KCNIP4: variants seen among roughly 807,000 people sequenced by gnomAD.
The protein encoded by KCNIP4 is Kv channel-interacting protein 4.
Under a neutral mutation model 34.0 loss-of-function variants are expected in KCNIP4, and 12 were observed. That is an observed-to-expected ratio of 0.35 (90% confidence interval 0.23 to 0.57). KCNIP4 has a LOEUF of 0.57. KCNIP4 is among the 20% of genes least tolerant of loss of function. The pLI, the probability that KCNIP4 is intolerant of heterozygous loss-of-function variation, is 0.83. For missense variants in KCNIP4, 238 were observed against 311.7 expected (o/e 0.76, Z 1.78); for synonymous variants, 124 against 102.2 (o/e 1.21, Z -1.29).
At chr4:21,771,454 A>G (rs1718780843) in intron 1 of KCNIP4, among the ~76,000 whole-genome samples, 2 of 152,016 alleles carry the variant, frequency 1.3e-5, no homozygotes, top group South Asian at 4.1e-4. Context: ...GAAATTGAAA[A>G]TATTTTTTTT....
At chr4:20,817,839 C>T (rs112991149) in intron 3 of KCNIP4, among the ~76,000 whole-genome samples, 2 of 152,158 alleles carry the variant, frequency 1.3e-5, no homozygotes, top group Admixed American at 6.5e-5. Context: ...ATTCTTTCTC[C>T]AACCAGTAAC....
At chr4:21,574,563 A>G in intron 1 of KCNIP4, among the ~76,000 whole-genome samples, 1 of 152,168 alleles carries the variant, frequency 6.6e-6, no homozygotes, top group Non-Finnish European at 1.5e-5. Context: ...GATAAATAAA[A>G]TAAAATTCTA....
intron 1 of KCNIP4, among the ~76,000 whole-genome samples, chr4:21,175,890 T>C (rs1473519885): frequency 1.3e-5 from 2 of 152,198 alleles, no homozygotes; most frequent in African/African-American, 2.4e-5. Flanking sequence ...GGGAGGACTA[T>C]GGTATACCTC....
At chr4:21,156,192 C>T (rs566976075) in intron 1 of KCNIP4, among the ~76,000 whole-genome samples, 7 of 152,288 alleles carry the variant, frequency 4.6e-5, no homozygotes, top group African/African-American at 1.7e-4. Flanking sequence ...TAGATGGCAG[C>T]TGTACACAGT....
At position 21,593,464 on chromosome 4, in the gene KCNIP4, C is replaced by T. The variant is rs141514465; in HGVS notation, c.61+355107G>A. ...CTTTCTCATCCTTAATTAGAATTCTCGGATTCTGAGGTTGCCGTCTGTACC... is the reference window on the plus strand; with the variant it reads ...CTTTCTCATCCTTAATTAGAATTCTTGGATTCTGAGGTTGCCGTCTGTACC... On this transcript the variant is annotated intron_variant, in intron 1 of 8. Coordinates refer to ENST00000382152, the MANE Select transcript of KCNIP4 (RefSeq NM_025221.6). Among the ~76,000 whole-genome samples, 532 of 152,160 alleles carry T rather than the reference C, an allele frequency of 3.5e-3. 2 individuals are homozygous for T. The highest frequency in any genetic ancestry group is 0.012 in the African/African-American group (515 of 41,512).
intron 3 of KCNIP4, among the ~76,000 whole-genome samples, chr4:20,798,911 C>A (rs1362746699): frequency 6.6e-6 from 1 of 152,184 alleles, no homozygotes; most frequent in African/African-American, 2.4e-5. Flanking sequence ...ACACTGTGCC[C>A]TGGCCTCACT....
intron 1 of KCNIP4, among the ~76,000 whole-genome samples, chr4:21,400,352 CT>C (rs66696209): frequency 0.18 from 26,776 of 151,754 alleles, 4,417 homozygotes; most frequent in African/African-American, 0.42. Context: ...AAGGCCAACT[CT>C]GAAAAAGGTG....
chr4:21,048,060 C>T (rs1742589711), intron 1 of KCNIP4, among the ~76,000 whole-genome samples: 2 of 152,320 alleles, frequency 1.3e-5, no homozygotes, highest in South Asian at 4.1e-4. Flanking sequence ...AAGCTGTCTA[C>T]AACTGTGCAC....
intron 1 of KCNIP4, among the ~76,000 whole-genome samples, chr4:21,342,943 A>G (rs900852798): frequency 2.6e-5 from 4 of 152,140 alleles, no homozygotes; most frequent in Non-Finnish European, 5.9e-5. Flanking sequence ...CCTAGGTAGT[A>G]TCATGTGTTT....
chr4:21,487,861 C>A (rs937053818), intron 1 of KCNIP4, among the ~76,000 whole-genome samples: 2 of 151,946 alleles, frequency 1.3e-5, no homozygotes, highest in African/African-American at 4.8e-5. Flanking sequence ...TTTTTTAACT[C>A]TTTATTTATT....
chr4:21,082,873 ATC>A (rs140567993), intron 1 of KCNIP4, among the ~76,000 whole-genome samples: 1 of 144,386 alleles, frequency 6.9e-6, no homozygotes, highest in Non-Finnish European at 1.5e-5. Flanking sequence ...TATTCTATCT[ATC>A]TATCTATCTA....
At chr4:21,862,592 T>G (rs2109352995) in intron 1 of KCNIP4, among the ~76,000 whole-genome samples, 1 of 152,222 alleles carries the variant, frequency 6.6e-6, no homozygotes, top group African/African-American at 2.4e-5. Context: ...GACATTTAAG[T>G]AAGGGAAGGG....
At chr4:21,850,839 A>G (rs1478334052) in intron 1 of KCNIP4, 1 of 151,994 alleles carries the variant, frequency 6.6e-6, no homozygotes, top group Non-Finnish European at 1.5e-5. Flanking sequence ...ATGCCTTTTA[A>G]CCCAAACACT....
At chr4:21,859,774 A>C (rs1450788213) in intron 1 of KCNIP4, among the ~76,000 whole-genome samples, 2 of 152,184 alleles carry the variant, frequency 1.3e-5, no homozygotes, top group Non-Finnish European at 2.9e-5. Context: ...CATGCCTGTA[A>C]TCCCAGCACT....
chr4:21,257,754 AAAAAAAAAAAAG>A (rs1761165233), intron 1 of KCNIP4, among the ~76,000 whole-genome samples: 1 of 104,442 alleles, frequency 9.6e-6, no homozygotes, highest in African/African-American at 7.5e-5. Flanking sequence ...AGTCTCAAAA[AAAAAAAAAAAAG>A]AAAGAAAGAA....
chr4:21,819,431 CTTG>C (rs1384848835), intron 1 of KCNIP4, among the ~76,000 whole-genome samples: 4 of 152,170 alleles, frequency 2.6e-5, no homozygotes, highest in African/African-American at 4.8e-5. Flanking sequence ...CTTCCAGTAC[CTTG>C]TTATTTTCCT....
In KCNIP4 at chr4:21,766,611, T is replaced by C. The variant is rs567797504; in HGVS notation, c.61+181960A>G. Reference sequence around the variant, plus strand: ...TAATTTCTCATAGTTTAAAAAGTTCTTATGAAAACAATTTCCTTTTCAGTC... The same window carrying C: ...TAATTTCTCATAGTTTAAAAAGTTCCTATGAAAACAATTTCCTTTTCAGTC... On this transcript the variant is annotated intron_variant, in intron 1 of 8. Transcript: ENST00000382152. Among the ~76,000 whole-genome samples, 16 of 152,314 alleles carry C rather than the reference T, an allele frequency of 1.1e-4. No individual in the cohort carries two copies. The East Asian group carries it at 3.1e-3, about 29-fold the overall frequency.
intron 1 of KCNIP4, among the ~76,000 whole-genome samples, chr4:21,736,193 A>T (rs1322994074): frequency 6.6e-6 from 1 of 152,154 alleles, no homozygotes; most frequent in Non-Finnish European, 1.5e-5. Context: ...TTGGTCATGT[A>T]TACTGAGTGA....
At chr4:20,856,252 G>A (rs1445499581) in intron 2 of KCNIP4, among the ~76,000 whole-genome samples, 2 of 152,146 alleles carry the variant, frequency 1.3e-5, no homozygotes, top group African/African-American at 4.8e-5. Context: ...GTGCTTTCTT[G>A]AACAATGTCT....
Sources: allele counts gnomAD v4.1 joint callset (sites outside exome capture counted in the v4.1 genomes callset), GRCh38; gene constraint gnomAD v4.1.1; transcripts MANE v1.5; gene names NCBI Gene and HGNC (gene_info 2026-07-23, HGNC 2026-07-21).